RFX8: variants seen among roughly 807,000 people sequenced by gnomAD.
RFX8 encodes the protein regulatory factor X8, also known as DNA-binding protein RFX8.
RFX8 carries 46 observed loss-of-function variants against 54.6 expected under a neutral mutation model. The ratio of observed to expected loss-of-function variants is 0.84; its 90% CI spans 0.67 to 1.08. The LOEUF is 1.08. RFX8 is among the 50% of genes least tolerant of loss of function. The pLI is 0.00. For synonymous variants in RFX8, 192 were observed against 209.5 expected, an observed-to-expected ratio of 0.92 and a Z score of 0.72; for missense variants, 536 against 562.3, an observed-to-expected ratio of 0.95 and a Z score of 0.47.
chr2:101,456,895 A>G (rs563329925), intron 2 of RFX8, among the ~76,000 whole-genome samples: 8 of 149,510 alleles, frequency 5.4e-5, no homozygotes, highest in Admixed American at 3.3e-4. Flanking sequence ...TTCAGAACCT[A>G]TTATTCAGAG....
chr2:101,422,290 A>G (rs1686910670), intron 3 of RFX8, 72 bp downstream of exon 3: 5 of 786,402 alleles, frequency 6.4e-6, no homozygotes, highest in Non-Finnish European at 6.6e-6. Context: ...CCACAGGCAC[A>G]AAAGGAAGCT....
intron 2 of RFX8, among the ~76,000 whole-genome samples, chr2:101,441,115 C>T (rs927003628): frequency 6.6e-5 from 10 of 152,038 alleles, no homozygotes; most frequent in Admixed American, 1.3e-4. Flanking sequence ...TACAGGCGCC[C>T]GCCACCACGG....
chr2:101,435,110 C>CG (rs1010006008), intron 2 of RFX8: 1 of 152,346 alleles, frequency 6.6e-6, no homozygotes, highest in African/African-American at 2.4e-5. Context: ...TCTTCTGCTC[C>CG]GCCGTCTGCA....
chr2:101,412,905 G>A lies in RFX8; in HGVS notation c.718+10C>T. 1 of 1,545,392 alleles carries A rather than the reference G, an allele frequency of 6.5e-7. No individual in the cohort carries two copies. On this transcript the variant is annotated intron_variant, in intron 8 of 11. Coordinates refer to ENST00000428343, the MANE Select transcript of RFX8 (RefSeq NM_001145664.2). ...CACGCCAATAAAGCAAGCTGCAGAA[G>A]GAAGATTACATTTCATCTCTGGGTT... is the stretch of plus-strand genomic sequence containing the variant.
chr2:101,461,627 C>T (rs1689286373), intron 2 of RFX8, among the ~76,000 whole-genome samples: 1 of 152,058 alleles, frequency 6.6e-6, no homozygotes, highest in Non-Finnish European at 1.5e-5. Flanking sequence ...ACTGAGTCAC[C>T]CCAACCCCAG....
intron 2 of RFX8, among the ~76,000 whole-genome samples, chr2:101,433,637 T>C (rs908258612): frequency 6.6e-6 from 1 of 152,254 alleles, no homozygotes; most frequent in Non-Finnish European, 1.5e-5. Flanking sequence ...CTGTCATTAC[T>C]CCAGACTTTC....
chr2:101,470,780 C>T (rs1439357784), intron 1 of RFX8, among the ~76,000 whole-genome samples: 4 of 133,200 alleles, frequency 3.0e-5, no homozygotes, highest in Admixed American at 8.2e-5. Context: ...AGTGCAGTGG[C>T]GCGATCTCGG....
intron 6 of RFX8, 145 bp downstream of exon 6, chr2:101,417,389 T>TA (rs11397297): frequency 0.98 from 675,888 of 687,158 alleles, 333,001 homozygotes; most frequent in Non-Finnish European, 1. Context: ...AACTTTTTTG[T>TA]GAGACAGGAT....
intron 7 of RFX8, among the ~76,000 whole-genome samples, chr2:101,413,424 C>G (rs531099034): frequency 6.6e-6 from 1 of 152,252 alleles, no homozygotes; most frequent in African/African-American, 2.4e-5. Context: ...CTGCACCGAT[C>G]CTGAGGGAGC....
At chr2:101,422,258 A>G in intron 3 of RFX8, 104 bp downstream of exon 3, 1 of 680,280 alleles carries the variant, frequency 1.5e-6, no homozygotes, top group East Asian at 2.7e-5. Flanking sequence ...GGCAAACATT[A>G]TTCCATGTGA....
chr2:101,421,479 A>G (rs1225231039), intron 4 of RFX8: 15 of 1,187,030 alleles, frequency 1.3e-5, no homozygotes, highest in Non-Finnish European at 1.6e-5. Context: ...ATTTGTATTT[A>G]GAGCCTAAAG....
chr2:101,426,112 C>G (rs921233904), intron 2 of RFX8, among the ~76,000 whole-genome samples: 17 of 152,166 alleles, frequency 1.1e-4, no homozygotes, highest in Admixed American at 1.1e-3. Flanking sequence ...CTGATTTGAT[C>G]TTTACACAGT....
At chr2:101,402,982 T>C (rs879771497) in intron 10 of RFX8, among the ~76,000 whole-genome samples, 13 of 152,060 alleles carry the variant, frequency 8.5e-5, no homozygotes, top group Admixed American at 3.3e-4. Context: ...GCCTAAGTCA[T>C]GAAAAGGAAC....
chr2:101,472,887 GC>G (rs1350018981), intron 1 of RFX8, among the ~76,000 whole-genome samples: 1 of 152,058 alleles, frequency 6.6e-6, no homozygotes, highest in East Asian at 1.9e-4. Flanking sequence ...GCATGGTGGT[GC>G]AGGCTTGTAA....
At chr2:101,452,367 C>T in intron 2 of RFX8, 1 of 1,395,252 alleles carries the variant, frequency 7.2e-7, no homozygotes, top group Non-Finnish European at 9.4e-7. Flanking sequence ...TGAAATAAAA[C>T]AAAAATTCTA....
At chr2:101,452,262 G>A (rs1688726636) in intron 2 of RFX8, 1 of 527,950 alleles carries the variant, frequency 1.9e-6, no homozygotes, top group Non-Finnish European at 3.2e-6. Flanking sequence ...GCGAATTGTG[G>A]ACACTCTTTG....
At chr2:101,400,875 G>A (rs1266145612) in intron 11 of RFX8, among the ~76,000 whole-genome samples, 2 of 152,170 alleles carry the variant, frequency 1.3e-5, no homozygotes, top group African/African-American at 4.8e-5. Flanking sequence ...AGGTACAGCA[G>A]CAGGGAGAGC....
chr2:101,399,843 G>A (rs1685331358), intron 11 of RFX8, among the ~76,000 whole-genome samples: 1 of 152,164 alleles, frequency 6.6e-6, no homozygotes, highest in South Asian at 2.1e-4. Flanking sequence ...AGATTTGAAG[G>A]TATTTTTAGT....
chr2:101,448,808 C>A (rs1194219541), intron 2 of RFX8, among the ~76,000 whole-genome samples: 1 of 152,196 alleles, frequency 6.6e-6, no homozygotes, highest in Admixed American at 6.5e-5. Flanking sequence ...GAAAGAAGCA[C>A]AATTAATAAT....
Sources: gnomAD v4.1 joint callset for allele counts (sites outside exome capture counted in the v4.1 genomes callset) on GRCh38, gnomAD v4.1.1 for gene constraint, MANE v1.5 for transcripts, NCBI Gene and HGNC (gene_info 2026-07-23, HGNC 2026-07-21) for gene names.